Variants in LZTS1 observed in about 807,000 individuals in gnomAD.
LZTS1 encodes leucine zipper tumor suppressor 1, also known as leucine zipper putative tumor suppressor 1.
Under a neutral mutation model 45.8 loss-of-function variants are expected in LZTS1, and 31 were observed. The ratio of observed to expected loss-of-function variants is 0.68; its 90% CI spans 0.51 to 0.91. The LOEUF is 0.91. LZTS1 is among the 40% of genes least tolerant of loss of function. The pLI, the probability that LZTS1 is intolerant of heterozygous loss-of-function variation, is 0.00. For synonymous variants in LZTS1, 359 were observed against 357.3 expected, an observed-to-expected ratio of 1.00 and a Z score of -0.05; for missense variants, 821 against 788.9, an observed-to-expected ratio of 1.04 and a Z score of -0.49.
chr8:20,293,418 C>T (rs1196952029), intron 1 of LZTS1, among the ~76,000 whole-genome samples: 1 of 152,240 alleles, frequency 6.6e-6, no homozygotes, highest in African/African-American at 2.4e-5. Flanking sequence ...GCCTGGAAAT[C>T]ACACCCAGCC....
chr8:20,254,509 G>A (rs73669754), intron 2 of LZTS1, among the ~76,000 whole-genome samples: 2 of 152,126 alleles, frequency 1.3e-5, no homozygotes, highest in Non-Finnish European at 2.9e-5. Context: ...TCTCCTTCCC[G>A]AGGCTTGGCA....
Position 20,249,752 on chromosome 8 carries a change from G to A in LZTS1, c.1761C>T (p.Pro587=). The change falls in exon 4 of 4, where the codon CCC becomes CCT. Residue 587 remains proline (P), a synonymous_variant. Coordinates refer to ENST00000381569, the MANE Select transcript of LZTS1 (RefSeq NM_021020.5). ...LEVDLEGADI[P]YEDIIATEI is the part of the protein sequence containing the mutation. ...TCTCAGTGGCTATGATGTCCTCGTA[G>A]GGGATGTCAGCCCCTTCCAGGTCAA... is the stretch of plus-strand genomic sequence containing the variant. 2 of 1,611,240 alleles carry A rather than the reference G, an allele frequency of 1.2e-6. No individual in the cohort carries two copies. Among genetic ancestry groups the A allele is most frequent in the Admixed American group, 1.7e-5 (1 of 60,014 alleles).
intron 1 of LZTS1, among the ~76,000 whole-genome samples, chr8:20,263,567 C>G (rs991114578): frequency 6.6e-6 from 1 of 152,154 alleles, no homozygotes; most frequent in African/African-American, 2.4e-5. Context: ...TTCACTTTAA[C>G]GACTCCCTGC....
chr8:20,302,333 C>A (rs1396082401), intron 1 of LZTS1, among the ~76,000 whole-genome samples: 1 of 152,180 alleles, frequency 6.6e-6, no homozygotes, highest in Non-Finnish European at 1.5e-5. Flanking sequence ...AGACTATGTT[C>A]CACTCCACTC....
At position 20,255,236 on chromosome 8, in the gene LZTS1, G is replaced by C. The variant is rs968198633; in HGVS notation, c.-55C>G. The stretch of plus-strand genomic sequence containing the variant: ...CCGGGCAGGGTCTTGGAAAGGCTGT[G>C]GCAGCAAGGGGCAGTCGTGGCTCCG... On this transcript the variant is annotated 5_prime_UTR_variant, in exon 2 of 4. Coordinates refer to ENST00000381569, the MANE Select transcript of LZTS1 (RefSeq NM_021020.5). 16 of 1,549,612 alleles carry C rather than the reference G, an allele frequency of 1.0e-5. No homozygotes were observed. In the Middle Eastern group the frequency reaches 7.3e-4, roughly 71 times the overall value.
intron 1 of LZTS1, among the ~76,000 whole-genome samples, chr8:20,277,558 C>T (rs1176704872): frequency 1.3e-5 from 2 of 152,094 alleles, no homozygotes; most frequent in Non-Finnish European, 2.9e-5. Context: ...TTTCCAGTAA[C>T]AAGTATATAA....
intron 1 of LZTS1, among the ~76,000 whole-genome samples, chr8:20,284,146 C>CA (rs1239723990): frequency 6.6e-6 from 1 of 152,170 alleles, no homozygotes; most frequent in Non-Finnish European, 1.5e-5. Context: ...ATCATCTCCC[C>CA]ATGGGCAGCT....
Position 20,255,321 on chromosome 8 carries a change from A to G in LZTS1, c.-134-6T>C, listed in dbSNP as rs1800072009. 3 of 1,438,984 alleles carry G rather than the reference A, an allele frequency of 2.1e-6. No homozygotes were observed. The highest frequency in any genetic ancestry group is 3.0e-5 in the South Asian group (2 of 67,400). The allele number at this position is 1,438,984 out of a possible 1,614,324, so 89.1% of individuals were successfully genotyped here. A position where few individuals can be genotyped will look rare whatever the true frequency, so the allele number is the denominator to read the frequency against. ...AGCCTGCGAGAGCCGTAGACCTGGA[A>G]GAAGACACAAGACAGAAGTCAGCGT... is the stretch of plus-strand genomic sequence containing the variant. On this transcript the variant is annotated splice_region_variant and splice_polypyrimidine_tract_variant and intron_variant, in intron 1 of 3. Transcript: ENST00000381569.
intron 1 of LZTS1, among the ~76,000 whole-genome samples, chr8:20,287,909 A>C (rs1378616008): frequency 6.6e-6 from 1 of 150,654 alleles, no homozygotes; most frequent in East Asian, 1.9e-4. Flanking sequence ...AAAAAAAAAA[A>C]AAAAAAAAAA....
chr8:20,255,212 C>G lies in LZTS1; in HGVS notation c.-31G>C. The G allele has an allele frequency of 6.3e-7, 1 of 1,586,856 alleles. No homozygotes were observed. Among genetic ancestry groups the G allele is most frequent in the Non-Finnish European group, 8.6e-7 (1 of 1,167,776 alleles). On this transcript the variant is annotated 5_prime_UTR_variant, in exon 2 of 4. Transcript: ENST00000381569. ...CTCGGGGCTGAGGATGGGGCAGGGC[C>G]GGGCAGGGTCTTGGAAAGGCTGTGG... is the stretch of plus-strand genomic sequence containing the variant.
Position 20,293,956 on chromosome 8 carries a change from T to G in LZTS1, c.-135+9784A>C, listed in dbSNP as rs548456650. 2.0e-5 allele frequency among the ~76,000 whole-genome samples: 3 copies of G among 151,612 alleles called. No homozygotes were observed. The East Asian group carries it at 5.8e-4, about 29-fold the overall frequency. On this transcript the variant is annotated intron_variant, in intron 1 of 3. Coordinates refer to ENST00000381569, the MANE Select transcript of LZTS1 (RefSeq NM_021020.5). Reference sequence around the variant, plus strand: ...AAATAACAATAATAAATAAATAAAATAAAAAGAAAAAAGAAAATGGAAAGA... The same window carrying G: ...AAATAACAATAATAAATAAATAAAAGAAAAAGAAAAAAGAAAATGGAAAGA...
At position 20,251,126 on chromosome 8, in the gene LZTS1, TATATATATATATATATATATATAA is replaced by T. The variant is rs1464632519; in HGVS notation, c.1150-787_1150-764del. On this transcript the variant is annotated intron_variant, in intron 3 of 3. Coordinates refer to ENST00000381569, the MANE Select transcript of LZTS1 (RefSeq NM_021020.5). ...ATATATATATATATATATATATATATATATATATATATATATATATATAAAATATAAAGTATAAGAGTAGAGATT... is the reference window on the plus strand; with the variant it reads ...ATATATATATATATATATATATATATAATATAAAGTATAAGAGTAGAGATT... Among the ~76,000 whole-genome samples the T allele has an allele frequency of 3.5e-3, 95 of 27,280 alleles. 1 individual carries two copies. Among genetic ancestry groups the T allele is most frequent in the South Asian group, 0.029 (21 of 734 alleles). 17.9% of individuals were successfully genotyped at this position (27,280 alleles called of 152,430 possible). A position where few individuals can be genotyped will look rare whatever the true frequency, so the allele number is the denominator to read the frequency against.
At chr8:20,270,797 C>CTGTGTGTGTGTGTGTG (rs745917836) in intron 1 of LZTS1, among the ~76,000 whole-genome samples, 13 of 99,416 alleles carry the variant, frequency 1.3e-4, no homozygotes, top group African/African-American at 4.6e-4. Flanking sequence ...CGAGTGTGTC[C>CTGTGTGTGTGTGTGTG]TCTGTGTGTG....
Position 20,252,775 on chromosome 8 carries a change from G to A in LZTS1, c.1149+7C>T, listed in dbSNP as rs761272817. 2.6e-6 allele frequency: 4 copies of A among 1,509,592 alleles called. No homozygotes were observed. The highest frequency in any genetic ancestry group is 1.4e-5 in the African/African-American group (1 of 71,704). The allele number at this position is 1,509,592 out of a possible 1,614,324, so 93.5% of individuals were successfully genotyped here. On this transcript the variant is annotated splice_region_variant and intron_variant, in intron 3 of 3. Transcript: ENST00000381569. The stretch of plus-strand genomic sequence containing the variant: ...CACCCAAACCCATGAGCCCTGTGTG[G>A]CCTCACCTCCCACTGGGTCTCCTCC...
At position 20,267,128 on chromosome 8, in the gene LZTS1, G is replaced by GAA. The variant is rs71222141; in HGVS notation, c.-134-11815_-134-11814dup. Among the ~76,000 whole-genome samples the GAA allele has an allele frequency of 2.0e-5, 3 of 146,512 alleles. No homozygotes were observed. The Admixed American group carries it at 2.1e-4, about 10-fold the overall frequency. ...ATCTCAAAAAAAAAAAAAAAGAAAA[G>GAA]AAAAAAAAAGAAAACAGCTACTCTC... On this transcript the variant is annotated intron_variant, in intron 1 of 3. Transcript: ENST00000381569.
intron 1 of LZTS1, among the ~76,000 whole-genome samples, chr8:20,300,265 C>T (rs1177970526): frequency 1.3e-5 from 2 of 152,204 alleles, no homozygotes; most frequent in East Asian, 3.9e-4. Context: ...TCTCATCTTT[C>T]CCCTTACCTT....
At chr8:20,276,983 G>A (rs182002502) in intron 1 of LZTS1, among the ~76,000 whole-genome samples, 10 of 152,308 alleles carry the variant, frequency 6.6e-5, no homozygotes, top group Admixed American at 5.2e-4. Flanking sequence ...TGTTGAATAG[G>A]GGCTGGGTAA....
intron 1 of LZTS1, among the ~76,000 whole-genome samples, chr8:20,303,235 CT>C (rs1224122779): frequency 6.6e-6 from 1 of 152,172 alleles, no homozygotes; most frequent in African/African-American, 2.4e-5. Flanking sequence ...CCTTTCAAAT[CT>C]CTGGCTGCAA....
At chr8:20,279,466 G>A (rs914097730) in intron 1 of LZTS1, among the ~76,000 whole-genome samples, 2 of 152,124 alleles carry the variant, frequency 1.3e-5, no homozygotes, top group African/African-American at 4.8e-5. Flanking sequence ...TTGGAAGGCT[G>A]AATTGAGAGA....
Sources: gnomAD v4.1 joint callset for allele counts (sites outside exome capture counted in the v4.1 genomes callset) on GRCh38, gnomAD v4.1.1 for gene constraint, MANE v1.5 for transcripts, NCBI Gene and HGNC (gene_info 2026-07-23, HGNC 2026-07-21) for gene names.